FAM177A1: variants seen among roughly 807,000 people sequenced by gnomAD.
FAM177A1 encodes protein FAM177A1.
Under a neutral mutation model 26.1 loss-of-function variants are expected in FAM177A1, and 22 were observed. That is an observed-to-expected ratio of 0.84 (90% CI 0.60 to 1.20). The LOEUF (loss-of-function observed/expected upper bound fraction) is 1.20, where lower values mean the gene tolerates loss of function less well. FAM177A1 is among the 50% of genes most tolerant of loss of function. FAM177A1 has a pLI of 0.00. For missense variants in FAM177A1, 296 were observed against 291.1 expected, an observed-to-expected ratio of 1.02 and a Z score of -0.12; for synonymous variants, 95 against 99.3, an observed-to-expected ratio of 0.96 and a Z score of 0.26.
chr14:35,067,909 A>T (rs7145474), intron 2 of FAM177A1, among the ~76,000 whole-genome samples: 27,088 of 152,096 alleles, frequency 0.18, 2,567 homozygotes, highest in East Asian at 0.37. Flanking sequence ...AGTTCTTTAC[A>T]TATTTTGGAT....
intron 2 of FAM177A1, among the ~76,000 whole-genome samples, chr14:35,053,763 G>C (rs950910750): frequency 2.0e-5 from 3 of 152,070 alleles, no homozygotes; most frequent in Non-Finnish European, 2.9e-5. Context: ...AAGCTGAGGT[G>C]GGTGGATCAC....
intron 1 of FAM177A1, 123 bp downstream of exon 1, chr14:35,046,751 C>T: frequency 7.1e-7 from 1 of 1,408,434 alleles, no homozygotes; most frequent in Non-Finnish European, 9.2e-7. Flanking sequence ...TGGAGTTCCT[C>T]CTCACTGCAC....
intron 2 of FAM177A1, among the ~76,000 whole-genome samples, chr14:35,054,183 A>G (rs771657691): frequency 2.8e-4 from 43 of 152,038 alleles, no homozygotes; most frequent in African/African-American, 1.0e-3. Flanking sequence ...CCACTGCACT[A>G]CAGCCTGGGC....
chr14:35,071,375 G>T (rs2045319377), intron 2 of FAM177A1, among the ~76,000 whole-genome samples: 1 of 152,118 alleles, frequency 6.6e-6, no homozygotes, highest in African/African-American at 2.4e-5. Flanking sequence ...AATAAGAAAA[G>T]GTAGTAGGTC....
intron 2 of FAM177A1, among the ~76,000 whole-genome samples, chr14:35,072,684 G>A (rs2045340697): frequency 6.6e-6 from 1 of 152,146 alleles, no homozygotes; most frequent in African/African-American, 2.4e-5. Context: ...ATTGTCTAAT[G>A]TCAGTTTCTT....
At chr14:35,064,651 TTC>T (rs1194628822) in intron 2 of FAM177A1, among the ~76,000 whole-genome samples, 1 of 147,380 alleles carries the variant, frequency 6.8e-6, no homozygotes, top group African/African-American at 2.4e-5. Context: ...TACAATTTAT[TTC>T]TCTGATTTTT....
chr14:35,053,161 A>C lies in FAM177A1; in HGVS notation c.166-117A>C, dbSNP rs551437256. 2.4e-5 allele frequency: 23 copies of C among 953,468 alleles called. No homozygotes were observed. In the South Asian group the frequency reaches 3.5e-4, roughly 14 times the overall value. The allele number at this position is 953,468 out of a possible 1,614,324, so 59.1% of individuals were successfully genotyped here. A position where few individuals can be genotyped will look rare whatever the true frequency, so the allele number is the denominator to read the frequency against. ...GTGAGACCATGTCTCAGAACAAACC[A>C]AAACTGCTTAAAGATTTATTTCTTT... On this transcript the variant is annotated intron_variant, in intron 1 of 4. Transcript: ENST00000280987.
rs2045507970 is a variant in FAM177A1, at chr14:35,082,890, T to C, written c.*1662T>C. 1 of 152,230 alleles carries C rather than the reference T, an allele frequency of 6.6e-6. No individual in the cohort carries two copies. The highest frequency in any genetic ancestry group is 1.5e-5 in the Non-Finnish European group (1 of 68,032). 9.4% of individuals were successfully genotyped at this position (152,230 alleles called of 1,614,324 possible). A position where few individuals can be genotyped will look rare whatever the true frequency, so the allele number is the denominator to read the frequency against. On this transcript the variant is annotated 3_prime_UTR_variant, in exon 5 of 5. Transcript: ENST00000280987. ...TAATTAAACTTTTCATTAGGAGTGT[T>C]CAGCTACATGGATTCATGGAATGGT...
intron 1 of FAM177A1, chr14:35,046,890 G>A: frequency 1.5e-6 from 2 of 1,295,538 alleles, no homozygotes; most frequent in Admixed American, 4.1e-5. Flanking sequence ...TCCAGCTTCT[G>A]GTCTACCAGA....
At chr14:35,050,542 C>G (rs2044949293) in intron 1 of FAM177A1, 2 of 151,806 alleles carry the variant, frequency 1.3e-5, no homozygotes, top group Admixed American at 1.3e-4. Flanking sequence ...TTTTTGAGCA[C>G]TGACATTCCT....
In FAM177A1 at chr14:35,046,642, C is replaced by T. The variant is rs780642611; in HGVS notation, c.165+14C>T. On this transcript the variant is annotated intron_variant, in intron 1 of 4. Transcript: ENST00000280987. The stretch of plus-strand genomic sequence containing the variant: ...TCTGCAGGGCAGGTAGGTGGGGCCG[C>T]CGAGGCTGACGTCCGGGGAGCCGAG... 3.3e-6 allele frequency: 5 copies of T among 1,524,496 alleles called. No individual in the cohort carries two copies. The highest frequency in any genetic ancestry group is 4.1e-5 in the Admixed American group (2 of 48,332). 94.4% of individuals were successfully genotyped at this position (1,524,496 alleles called of 1,614,324 possible). A position where few individuals can be genotyped will look rare whatever the true frequency, so the allele number is the denominator to read the frequency against.
intron 2 of FAM177A1, among the ~76,000 whole-genome samples, chr14:35,071,153 C>T (rs1162401538): frequency 7.2e-5 from 11 of 151,896 alleles, no homozygotes; most frequent in Non-Finnish European, 1.0e-4. Context: ...CCTGCCACCA[C>T]GCCCGGCTGA....
chr14:35,075,327 TAAAG>T (rs751202618), intron 2 of FAM177A1, among the ~76,000 whole-genome samples: 29 of 152,322 alleles, frequency 1.9e-4, no homozygotes, highest in Non-Finnish European at 4.0e-4. Flanking sequence ...TTTTAAGACT[TAAAG>T]AAGGGATCCA....
chr14:35,071,161 T>A (rs1308740392), intron 2 of FAM177A1, among the ~76,000 whole-genome samples: 1 of 151,908 alleles, frequency 6.6e-6, no homozygotes, highest in Non-Finnish European at 1.5e-5. Flanking sequence ...CACGCCCGGC[T>A]GATTTTTTGT....
At chr14:35,062,961 C>CTATA (rs2045182259) in intron 2 of FAM177A1, among the ~76,000 whole-genome samples, 1 of 136,078 alleles carries the variant, frequency 7.3e-6, no homozygotes, top group South Asian at 2.3e-4. Flanking sequence ...TAAATTTTCT[C>CTATA]TATAGTTCCT....
Position 35,057,709 on chromosome 14 carries a change from C to CT in FAM177A1, c.339+4266dup, listed in dbSNP as rs1037607792. Among the ~76,000 whole-genome samples the CT allele has an allele frequency of 5.3e-5, 8 of 151,852 alleles. No homozygotes were observed. The East Asian group carries it at 1.5e-3, about 29-fold the overall frequency. On this transcript the variant is annotated intron_variant, in intron 2 of 4. Transcript: ENST00000280987. Reference sequence around the variant, plus strand: ...CCTTCATTTTTATTTAAAGTATTTTCTTTTTTTTCCTTTTGGTTTTCTTCC... The same window carrying CT: ...CCTTCATTTTTATTTAAAGTATTTTCTTTTTTTTTCCTTTTGGTTTTCTTCC...
intron 2 of FAM177A1, among the ~76,000 whole-genome samples, chr14:35,075,002 G>A (rs959392061): frequency 9.9e-5 from 15 of 152,050 alleles, no homozygotes; most frequent in African/African-American, 2.9e-4. Context: ...GTGCCACTGC[G>A]TTCTAGCATG....
intron 1 of FAM177A1, among the ~76,000 whole-genome samples, chr14:35,052,584 T>TATATGTATAG (rs894160705): frequency 6.6e-6 from 1 of 151,914 alleles, no homozygotes; most frequent in African/African-American, 2.4e-5. Context: ...CATCTCCCAC[T>TATATGTATAG]ATATATATAG....
rs2045489626 is a variant in FAM177A1 at position 35,081,892 on chromosome 14, T to G, written c.*664T>G. On this transcript the variant is annotated 3_prime_UTR_variant, in exon 5 of 5. Transcript: ENST00000280987. ...AGCTTTGAACATAATATTAAAACAC[T>G]ACTTATAGAATAGATTTATTAATGT... 6.6e-6 allele frequency: 1 copy of G among 152,232 alleles called. No individual in the cohort carries two copies. The highest frequency in any genetic ancestry group is 1.5e-5 in the Non-Finnish European group (1 of 68,066). 9.4% of individuals were successfully genotyped at this position (152,232 alleles called of 1,614,324 possible).
Sources: allele counts gnomAD v4.1 joint callset (sites outside exome capture counted in the v4.1 genomes callset), GRCh38; gene constraint gnomAD v4.1.1; transcripts MANE v1.5; gene names NCBI Gene and HGNC (gene_info 2026-07-23, HGNC 2026-07-21).